The following PHF2 variants were observed in gnomAD, a reference collection of about 807,000 sequenced individuals.
The protein encoded by PHF2 is PHD finger protein 2.
In PHF2, 27 loss-of-function variants were observed where a neutral mutation model predicts 120.5. That is an observed-to-expected ratio of 0.22 (90% CI 0.17 to 0.31). The LOEUF is 0.31. Ranked by LOEUF, PHF2 falls within the 10% of genes least tolerant of loss-of-function variation. The probability of loss-of-function intolerance (pLI) is 1.00; values close to 1 mark genes in which losing one functional copy is unlikely to be tolerated. For missense variants in PHF2, 1,024 were observed against 1,434.8 expected (o/e 0.71, Z 4.63); for synonymous variants, 568 against 592.5 (o/e 0.96, Z 0.60).
intron 1 of PHF2, among the ~76,000 whole-genome samples, chr9:93,585,870 T>C (rs1863032765): frequency 6.6e-6 from 1 of 152,236 alleles, no homozygotes; most frequent in Admixed American, 6.5e-5. Flanking sequence ...TGGGAAGCAC[T>C]AACCAGGAAC....
chr9:93,676,954 G>A lies in PHF2; in HGVS notation c.3193G>A (p.Ala1065Thr), dbSNP rs377079959. The change falls in exon 21 of 22, where the codon GCT becomes ACT. Residue 1065 changes from alanine to threonine, a missense_variant. Ala to Thr is a moderately conservative substitution (Grantham distance 58). This residue lies in a region of PHF2 where 677 missense variants were observed against 857.4 expected (regional missense o/e 0.79). Transcript: ENST00000359246. ...CGCATCGTCTCCAAACAACAACACC[G>A]CTGCCAAAGGTACTGTGCCTGCTGG... ...PSASSPNNNT[A>T]AKGKRTKKGM... 4.2e-5 allele frequency: 65 copies of A among 1,551,246 alleles called. No individual in the cohort carries two copies. The African/African-American group carries it at 4.6e-4, about 11-fold the overall frequency.
intron 1 of PHF2, among the ~76,000 whole-genome samples, chr9:93,597,369 G>C (rs1218316623): frequency 6.6e-6 from 1 of 152,170 alleles, no homozygotes; most frequent in Admixed American, 6.5e-5. Flanking sequence ...CTGAGAAGTG[G>C]GAGGCTGAGC....
chr9:93,661,231 A>G (rs1231185673), intron 12 of PHF2, among the ~76,000 whole-genome samples: 2 of 152,106 alleles, frequency 1.3e-5, no homozygotes, highest in East Asian at 3.9e-4. Flanking sequence ...CCCCTGAAGC[A>G]CCATTGAGTG....
intron 17 of PHF2, among the ~76,000 whole-genome samples, chr9:93,673,014 G>A (rs1216942743): frequency 1.3e-5 from 2 of 151,814 alleles, no homozygotes; most frequent in Non-Finnish European, 2.9e-5. Context: ...GCAGGTGTGG[G>A]TAAAGGTGGG....
At chr9:93,665,404 A>G (rs937273639) in intron 14 of PHF2, among the ~76,000 whole-genome samples, 1 of 152,162 alleles carries the variant, frequency 6.6e-6, no homozygotes, top group African/African-American at 2.4e-5. Flanking sequence ...GTAGGAGGCC[A>G]TGGGGTTGGG....
At chr9:93,633,955 C>G (rs946089322) in intron 2 of PHF2, among the ~76,000 whole-genome samples, 3 of 152,120 alleles carry the variant, frequency 2.0e-5, no homozygotes, top group African/African-American at 7.2e-5. Flanking sequence ...GCTGCATAAC[C>G]ACGGGGCTGC....
chr9:93,636,174 C>T (rs910686139), intron 2 of PHF2, among the ~76,000 whole-genome samples: 9 of 152,066 alleles, frequency 5.9e-5, no homozygotes, highest in Non-Finnish European at 1.3e-4. Context: ...ATGGAGGACA[C>T]TGGTGCCATC....
Position 93,679,479 on chromosome 9 carries a change from A to C in PHF2, c.*1803A>C, listed in dbSNP as rs1012942951. 3.3e-6 allele frequency: 1 copy of C among 304,818 alleles called. No homozygotes were observed. Among genetic ancestry groups the C allele is most frequent in the Non-Finnish European group, 6.4e-6 (1 of 156,588 alleles). The allele number at this position is 304,818 out of a possible 1,614,324, so 18.9% of individuals were successfully genotyped here. ...CTAACAAAGTTTATCGTGGCTATTAAAGTGTTTTATTTCCCAATTCATATT... is the reference window on the plus strand; with the variant it reads ...CTAACAAAGTTTATCGTGGCTATTACAGTGTTTTATTTCCCAATTCATATT... On this transcript the variant is annotated 3_prime_UTR_variant, in exon 22 of 22. Transcript: ENST00000359246.
intron 17 of PHF2, among the ~76,000 whole-genome samples, chr9:93,667,917 A>T (rs1826713069): frequency 1.3e-5 from 2 of 152,148 alleles, no homozygotes; most frequent in African/African-American, 4.8e-5. Context: ...TCAGTTCCCA[A>T]GATGTGCCTC....
intron 1 of PHF2, among the ~76,000 whole-genome samples, 184 bp downstream of exon 1, chr9:93,577,055 A>G (rs1182599746): frequency 7.1e-6 from 1 of 141,650 alleles, no homozygotes; most frequent in African/African-American, 2.5e-5. Flanking sequence ...TTTTGTGCCC[A>G]GGGCGGGGGC....
intron 5 of PHF2, among the ~76,000 whole-genome samples, chr9:93,650,296 C>T (rs1411734697): frequency 6.6e-6 from 1 of 152,098 alleles, no homozygotes; most frequent in Admixed American, 6.6e-5. Flanking sequence ...CACTCAAACA[C>T]AACAATAGAC....
chr9:93,638,578 T>C (rs546143770), intron 3 of PHF2, among the ~76,000 whole-genome samples: 1 of 152,328 alleles, frequency 6.6e-6, no homozygotes, highest in Admixed American at 6.5e-5. Context: ...TCAAACTCAA[T>C]TGGCCATAGA....
intron 1 of PHF2, among the ~76,000 whole-genome samples, chr9:93,622,057 C>G (rs1264275399): frequency 2.0e-5 from 3 of 152,232 alleles, no homozygotes; most frequent in Non-Finnish European, 4.4e-5. Flanking sequence ...GGTGCAGCTC[C>G]TAGCCATGGC....
At chr9:93,672,292 A>G (rs1469251257) in intron 17 of PHF2, 4 of 238,998 alleles carry the variant, frequency 1.7e-5, no homozygotes, top group Non-Finnish European at 2.6e-5. Flanking sequence ...GTACAGGTGT[A>G]GATGCAGGTG....
chr9:93,656,634 T>G lies in PHF2; in HGVS notation c.1147+39T>G. On this transcript the variant is annotated intron_variant, in intron 9 of 21. Transcript: ENST00000359246. This position sits in a 1 kb window ranked among gnomAD's most constrained non-coding sequence, Gnocchi z 4.1. ...CGGGGTGGGCGTCCAAGCCTGGGGC[T>G]CTTGGCTGTGGGGGCAGCCAGACCT... The G allele has an allele frequency of 6.9e-7, 1 of 1,446,642 alleles. No homozygotes were observed. The allele number at this position is 1,446,642 out of a possible 1,614,324, so 89.6% of individuals were successfully genotyped here.
At chr9:93,673,427 T>C (rs3829758) in intron 17 of PHF2, among the ~76,000 whole-genome samples, 158 bp from the exon 18 acceptor site, 51,146 of 151,898 alleles carry the variant, frequency 0.34, 9,055 homozygotes, top group Non-Finnish European at 0.39. Flanking sequence ...AAGGGAGAAG[T>C]CATCAGCTCA....
chr9:93,603,166 G>A (rs1307454899), intron 1 of PHF2, among the ~76,000 whole-genome samples: 4 of 152,138 alleles, frequency 2.6e-5, no homozygotes, highest in Non-Finnish European at 5.9e-5. Context: ...CGAGGGCTGG[G>A]CTCTGCCTCA....
chr9:93,650,912 T>G (rs893995251), intron 5 of PHF2, among the ~76,000 whole-genome samples: 6 of 152,016 alleles, frequency 3.9e-5, no homozygotes, highest in African/African-American at 1.4e-4. Context: ...ACAAAAGAAT[T>G]ATCTAAAACC....
At chr9:93,674,864 C>A (rs751331935) in intron 18 of PHF2, 63 bp from the exon 19 acceptor site, 3 of 1,210,006 alleles carry the variant, frequency 2.5e-6, no homozygotes, top group African/African-American at 1.5e-5. Flanking sequence ...TGTACCCCCC[C>A]GCCCTCCTCC....
Sources: allele counts gnomAD v4.1 joint callset (sites outside exome capture counted in the v4.1 genomes callset), GRCh38; gene constraint gnomAD v4.1.1; regional missense constraint gnomAD v4.1.1; non-coding constraint Gnocchi (gnomAD v3.1); transcripts MANE v1.5; gene names NCBI Gene and HGNC (gene_info 2026-07-23, HGNC 2026-07-21).